Variants in TLK2 observed in about 807,000 individuals in gnomAD.
TLK2 encodes the protein tousled like kinase 2, also known as serine/threonine-protein kinase tousled-like 2.
In TLK2, 6 loss-of-function variants were observed where a neutral mutation model predicts 117.3. The observed-to-expected ratio is 0.05, with a 90% CI of 0.03 to 0.10. The LOEUF (loss-of-function observed/expected upper bound fraction) is 0.10, where lower values mean the gene tolerates loss of function less well. TLK2 is among the 10% of genes least tolerant of loss of function. The pLI, the probability that TLK2 is intolerant of heterozygous loss-of-function variation, is 1.00. For synonymous variants in TLK2, 257 were observed against 316.7 expected (o/e 0.81, Z 2.00); for missense variants, 299 against 901.2 (o/e 0.33, Z 8.56).
chr17:62,499,921 T>G (rs1337679301), intron 2 of TLK2, among the ~76,000 whole-genome samples: 2 of 152,114 alleles, frequency 1.3e-5, no homozygotes, highest in African/African-American at 4.8e-5. Context: ...AAAGTTTTAT[T>G]TATTTCTAAA....
chr17:62,580,332 G>T, intron 15 of TLK2, 140 bp downstream of exon 15: 1 of 544,250 alleles, frequency 1.8e-6, no homozygotes, highest in Non-Finnish European at 3.1e-6. Context: ...TGTATCTTTG[G>T]GAAAACAGCT....
At position 62,485,032 on chromosome 17, in the gene TLK2, A is replaced by AAAAAC. The variant is rs1245029076; in HGVS notation, c.81+3841_81+3845dup. Among the ~76,000 whole-genome samples, 123 of 152,316 alleles carry AAAAAC rather than the reference A, an allele frequency of 8.1e-4. 1 individual carries two copies. Among genetic ancestry groups the AAAAAC allele is most frequent in the African/African-American group, 2.8e-3 (118 of 41,574 alleles). On this transcript the variant is annotated intron_variant, in intron 2 of 21. Transcript: ENST00000346027. ...GGCGACAGAGCAAGGCTCCGTCTCAAAAAACAAAACAAAACAAAAAAAGAA... is the reference window on the plus strand; with the variant it reads ...GGCGACAGAGCAAGGCTCCGTCTCAAAAAACAAAACAAAACAAAACAAAAAAAGAA...
At chr17:62,555,633 C>T (rs2078801285) in intron 9 of TLK2, among the ~76,000 whole-genome samples, 1 of 151,718 alleles carries the variant, frequency 6.6e-6, no homozygotes, top group Non-Finnish European at 1.5e-5. Flanking sequence ...CAGGCGCCCG[C>T]CACCACGCCC....
chr17:62,586,353 G>C (rs1307575383), intron 16 of TLK2, 127 bp downstream of exon 16: 2 of 643,994 alleles, frequency 3.1e-6, no homozygotes, highest in African/African-American at 3.7e-5. Flanking sequence ...TGCCCTGAGA[G>C]AATAAATACA....
intron 21 of TLK2, among the ~76,000 whole-genome samples, chr17:62,609,017 A>T (rs1381923912): frequency 2.6e-5 from 4 of 152,266 alleles, no homozygotes; most frequent in African/African-American, 9.6e-5. Flanking sequence ...GGTGAGTGGT[A>T]GCCAGCCCCA....
chr17:62,594,830 ACC>A (rs1555657015), intron 16 of TLK2, among the ~76,000 whole-genome samples: 1 of 137,788 alleles, frequency 7.3e-6, no homozygotes, highest in Admixed American at 7.3e-5. Context: ...ACACACACAC[ACC>A]CCATGTGGGT....
At chr17:62,605,401 G>A (rs757250466) in intron 19 of TLK2, among the ~76,000 whole-genome samples, 4 of 152,030 alleles carry the variant, frequency 2.6e-5, no homozygotes, top group Non-Finnish European at 4.4e-5. Flanking sequence ...ACTTTGAGAT[G>A]GGGGTCTCAC....
intron 21 of TLK2, among the ~76,000 whole-genome samples, chr17:62,611,496 T>C (rs551028956): frequency 1.5e-3 from 229 of 152,346 alleles, no homozygotes; most frequent in Non-Finnish European, 3.5e-4. Flanking sequence ...TACCGCCTGC[T>C]GTACCCATGC....
At chr17:62,537,605 C>G (rs1048695552) in intron 7 of TLK2, among the ~76,000 whole-genome samples, 8 of 152,114 alleles carry the variant, frequency 5.3e-5, no homozygotes, top group African/African-American at 1.4e-4. Context: ...GGCTTCCTGT[C>G]CAGGTCTGGT....
chr17:62,529,095 A>G (rs2076569671), intron 6 of TLK2, among the ~76,000 whole-genome samples: 3 of 152,188 alleles, frequency 2.0e-5, no homozygotes, highest in Non-Finnish European at 2.9e-5. Context: ...TGGCTGTTCT[A>G]TCAATTATTA....
intron 15 of TLK2, among the ~76,000 whole-genome samples, chr17:62,582,515 A>G (rs1039498091): frequency 6.6e-6 from 1 of 152,134 alleles, no homozygotes; most frequent in Non-Finnish European, 1.5e-5. Context: ...TTTTTTGTTG[A>G]TCAAAACTAT....
At chr17:62,501,261 G>T (rs2144973952) in intron 2 of TLK2, among the ~76,000 whole-genome samples, 2 of 152,040 alleles carry the variant, frequency 1.3e-5, no homozygotes, top group Middle Eastern at 6.8e-3. Context: ...GAAAATATTT[G>T]TAATTAAATG....
chr17:62,566,518 A>T (rs1400994684), intron 11 of TLK2, among the ~76,000 whole-genome samples: 1 of 152,182 alleles, frequency 6.6e-6, no homozygotes, highest in African/African-American at 2.4e-5. Context: ...GAGGCTTTCA[A>T]GTCAAAGAAT....
chr17:62,522,384 G>T, intron 4 of TLK2, 111 bp downstream of exon 4: 3 of 1,210,460 alleles, frequency 2.5e-6, no homozygotes, highest in Non-Finnish European at 2.3e-6. Context: ...GATAAAGGAG[G>T]TTTGTGTATC....
chr17:62,585,996 C>A, intron 15 of TLK2, 139 bp from the exon 16 acceptor site: 1 of 590,608 alleles, frequency 1.7e-6, no homozygotes, highest in Non-Finnish European at 2.9e-6. Context: ...AAGGTGCTTG[C>A]AACACTGATA....
At chr17:62,506,933 A>G (rs1195450665) in intron 2 of TLK2, among the ~76,000 whole-genome samples, 2 of 152,170 alleles carry the variant, frequency 1.3e-5, no homozygotes, top group Admixed American at 1.3e-4. Flanking sequence ...TCAGTTATAT[A>G]AAGAATGTTT....
At chr17:62,503,789 C>T (rs1247448628) in intron 2 of TLK2, among the ~76,000 whole-genome samples, 12 of 147,328 alleles carry the variant, frequency 8.1e-5, no homozygotes, top group Non-Finnish European at 1.2e-4. Context: ...AGTGTAATGG[C>T]GTGATCTCAG....
intron 15 of TLK2, among the ~76,000 whole-genome samples, chr17:62,583,522 T>A (rs1192049577): frequency 2.6e-5 from 4 of 152,210 alleles, no homozygotes; most frequent in Admixed American, 6.5e-5. Flanking sequence ...GCCTCCCAGT[T>A]ACTTTTAGTA....
upstream of TLK2, among the ~76,000 whole-genome samples, chr17:62,476,729 C>G (rs2071055802): frequency 6.6e-6 from 1 of 152,116 alleles, no homozygotes. Flanking sequence ...ACACCTCTGA[C>G]TCCATTGAGT....
Sources: gnomAD v4.1 joint callset for allele counts (sites outside exome capture counted in the v4.1 genomes callset) on GRCh38, gnomAD v4.1.1 for gene constraint, MANE v1.5 for transcripts, NCBI Gene and HGNC (gene_info 2026-07-23, HGNC 2026-07-21) for gene names.